Variants in UBE2R2 observed in about 807,000 individuals in gnomAD.
UBE2R2 encodes ubiquitin-conjugating enzyme E2 R2.
A neutral mutation model predicts 27.8 loss-of-function variants in UBE2R2; 1 was observed. That is an observed-to-expected ratio of 0.04 (90% CI 0.01 to 0.17). The LOEUF (loss-of-function observed/expected upper bound fraction) is 0.17. UBE2R2 is among the 10% of genes least tolerant of loss of function. The probability of loss-of-function intolerance (pLI) is 1.00; values close to 1 mark genes in which losing one functional copy is unlikely to be tolerated. For missense variants in UBE2R2, 100 were observed against 291.0 expected, an observed-to-expected ratio of 0.34 and a Z score of 4.78; for synonymous variants, 106 against 113.3, an observed-to-expected ratio of 0.94 and a Z score of 0.41.
intron 2 of UBE2R2, among the ~76,000 whole-genome samples, chr9:33,894,947 C>T (rs9802431): frequency 0.33 from 49,557 of 151,964 alleles, 8,728 homozygotes; most frequent in African/African-American, 0.46. Flanking sequence ...CAGTCCTCCC[C>T]GCTCAGCCTC....
intron 1 of UBE2R2, among the ~76,000 whole-genome samples, chr9:33,827,797 C>T (rs2130720389): frequency 1.3e-5 from 2 of 151,286 alleles, no homozygotes; most frequent in East Asian, 3.9e-4. Flanking sequence ...ATGGTGAAAC[C>T]CCGTCTCTAC....
intron 1 of UBE2R2, among the ~76,000 whole-genome samples, chr9:33,841,973 C>A (rs968796892): frequency 6.6e-6 from 1 of 152,156 alleles, no homozygotes. Flanking sequence ...TCATTACATG[C>A]AATATTCTCT....
At chr9:33,881,400 C>T (rs978925857) in intron 1 of UBE2R2, among the ~76,000 whole-genome samples, 17 of 152,188 alleles carry the variant, frequency 1.1e-4, no homozygotes, top group African/African-American at 3.9e-4. Context: ...GCCATCACCA[C>T]CATCTAACTC....
chr9:33,819,641 TTTC>T (rs775388254), intron 1 of UBE2R2, among the ~76,000 whole-genome samples: 9 of 95,572 alleles, frequency 9.4e-5, no homozygotes, highest in South Asian at 4.0e-4. Context: ...ATGTGATACC[TTTC>T]TTTTTTTTTT....
At position 33,817,898 on chromosome 9, in the gene UBE2R2, AC is replaced by A; in HGVS notation, c.147del (p.Asn50ThrfsTer29). 6.2e-7 allele frequency: 1 copy of A among 1,609,462 alleles called. No individual in the cohort carries two copies. Among genetic ancestry groups the A allele is most frequent in the East Asian group, 2.3e-5 (1 of 44,190 alleles). On this transcript the variant is annotated frameshift_variant, in exon 1 of 5. Transcript: ENST00000263228. LOFTEE classifies it high-confidence loss of function. ...LYNWEVAIFG[P>X]PNTLYEGGYF... ...ACAACTGGGAGGTGGCCATCTTCGGACCCCCCAACACCCTCTACGAAGGCGG... is the reference window on the plus strand; with the variant it reads ...ACAACTGGGAGGTGGCCATCTTCGGACCCCCAACACCCTCTACGAAGGCGG...
In UBE2R2 at chr9:33,918,326, C is replaced by CTGA. The variant is rs762510214; in HGVS notation, c.*1091_*1093dup. The CTGA allele has an allele frequency of 2.6e-5, 4 of 151,918 alleles. No individual in the cohort carries two copies. The highest frequency in any genetic ancestry group is 9.7e-5 in the African/African-American group (4 of 41,328). The allele number at this position is 151,918 out of a possible 1,614,324, so 9.4% of individuals were successfully genotyped here. On this transcript the variant is annotated 3_prime_UTR_variant, in exon 5 of 5. Transcript: ENST00000263228. ...TTCGGTTTTCATCGAGCTGCTTATA[C>CTGA]TGATAGTGAAAAACTTGGATGTGTG...
chr9:33,885,234 T>C (rs1821831314), intron 1 of UBE2R2, among the ~76,000 whole-genome samples: 1 of 151,914 alleles, frequency 6.6e-6, no homozygotes, highest in African/African-American at 2.4e-5. Context: ...GTGCTGGGCA[T>C]GTGCATAGCT....
intron 4 of UBE2R2, 138 bp downstream of exon 4, chr9:33,912,236 G>C: frequency 1.2e-6 from 1 of 801,714 alleles, no homozygotes; most frequent in Non-Finnish European, 1.9e-6. Flanking sequence ...GGGAAGAGAA[G>C]ATTTCTGCCT....
chr9:33,818,530 A>T (rs1013858215), intron 1 of UBE2R2: 4 of 14,120 alleles, frequency 2.8e-4, no homozygotes, highest in African/African-American at 7.6e-4. Flanking sequence ...TAGGGGTGGT[A>T]AAAAAAAAAA....
chr9:33,816,864 A>G (rs1425351916), upstream of UBE2R2, among the ~76,000 whole-genome samples: 1 of 152,226 alleles, frequency 6.6e-6, no homozygotes, highest in East Asian at 1.9e-4. Flanking sequence ...GTCCAGCCGC[A>G]CAACCGTCAC....
At chr9:33,912,474 A>G (rs1822515462) in intron 4 of UBE2R2, among the ~76,000 whole-genome samples, 1 of 151,932 alleles carries the variant, frequency 6.6e-6, no homozygotes, top group Middle Eastern at 3.2e-3. Context: ...AAATACAAAA[A>G]TTAGCCAGGT....
At chr9:33,868,696 A>C (rs2130776981) in intron 1 of UBE2R2, 1 of 152,248 alleles carries the variant, frequency 6.6e-6, no homozygotes, top group East Asian at 1.9e-4. Flanking sequence ...CCCCCCAAAA[A>C]ATATGTCTTG....
intron 1 of UBE2R2, among the ~76,000 whole-genome samples, chr9:33,874,062 C>T (rs1370956007): frequency 1.3e-5 from 2 of 151,552 alleles, no homozygotes; most frequent in Non-Finnish European, 2.9e-5. Context: ...ATTCTCCTGT[C>T]TCAGCCGCCC....
chr9:33,920,081 C>CTGAT lies in UBE2R2; in HGVS notation c.*2847_*2850dup, dbSNP rs1014010601. The CTGAT allele has an allele frequency of 4.6e-5, 7 of 152,554 alleles. No individual in the cohort carries two copies. The highest frequency in any genetic ancestry group is 9.7e-5 in the African/African-American group (4 of 41,434). The allele number at this position is 152,554 out of a possible 1,614,324, so 9.5% of individuals were successfully genotyped here. A position where few individuals can be genotyped will look rare whatever the true frequency, so the allele number is the denominator to read the frequency against. On this transcript the variant is annotated 3_prime_UTR_variant, in exon 5 of 5. Transcript: ENST00000263228. ...CGTTTGGGGCACATGTTGTAAGAAACTGATTGGAAGGGGAAATGTGCAGCT... is the reference window on the plus strand; with the variant it reads ...CGTTTGGGGCACATGTTGTAAGAAACTGATTGATTGGAAGGGGAAATGTGCAGCT...
intron 1 of UBE2R2, among the ~76,000 whole-genome samples, chr9:33,846,006 G>A (rs937414553): frequency 6.6e-6 from 1 of 151,976 alleles, no homozygotes; most frequent in Non-Finnish European, 1.5e-5. Flanking sequence ...GGTACCTGTA[G>A]TTCCAGCTAC....
chr9:33,817,097 T>G (rs936330567), upstream of UBE2R2, among the ~76,000 whole-genome samples: 7 of 151,844 alleles, frequency 4.6e-5, no homozygotes, highest in Admixed American at 4.6e-4. Flanking sequence ...CGCCAGCCGC[T>G]GAGAGCCGCC....
Position 33,853,058 on chromosome 9 carries a change from A to G in UBE2R2, c.178-33823A>G, listed in dbSNP as rs564372784. On this transcript the variant is annotated intron_variant, in intron 1 of 4. Coordinates refer to ENST00000263228, the MANE Select transcript of UBE2R2 (RefSeq NM_017811.4). Reference sequence around the variant, plus strand: ...AATTTTTAACAAAGGAAAAAAAAGCAGTTAAGATGGAAGGCCCAACTGTTT... The same window carrying G: ...AATTTTTAACAAAGGAAAAAAAAGCGGTTAAGATGGAAGGCCCAACTGTTT... 3.9e-5 allele frequency among the ~76,000 whole-genome samples: 6 copies of G among 152,284 alleles called. No individual in the cohort carries two copies. The South Asian group carries it at 1.2e-3, about 32-fold the overall frequency.
At chr9:33,844,515 A>ATTTTT (rs34578523) in intron 1 of UBE2R2, among the ~76,000 whole-genome samples, 8 of 110,076 alleles carry the variant, frequency 7.3e-5, no homozygotes, top group East Asian at 2.7e-4. Context: ...TCCCACATCT[A>ATTTTT]TTTTTTTTTT....
rs551883771 is a variant in UBE2R2, at chr9:33,915,421, A to C, written c.498-1597A>C. ...TATATAAGCCAAGAGCTGTCAGCAT[A>C]AAGGGAGTGGTGGTTAAAATTATGG... is the stretch of plus-strand genomic sequence containing the variant. On this transcript the variant is annotated intron_variant, in intron 4 of 4. Transcript: ENST00000263228. Among the ~76,000 whole-genome samples the C allele has an allele frequency of 1.9e-3, 290 of 152,276 alleles. 1 individual carries two copies. Among genetic ancestry groups the C allele is most frequent in the Non-Finnish European group, 3.4e-3 (228 of 68,022 alleles).
Sources: allele counts gnomAD v4.1 joint callset (sites outside exome capture counted in the v4.1 genomes callset), GRCh38; gene constraint gnomAD v4.1.1; transcripts MANE v1.5; gene names NCBI Gene and HGNC (gene_info 2026-07-23, HGNC 2026-07-21).